Variants in SLC38A8 observed in about 807,000 individuals in gnomAD.
SLC38A8 encodes solute carrier family 38 member 8, also known as amino acid transporter SLC38A8.
SLC38A8 carries 65 observed loss-of-function variants against 46.0 expected under a neutral mutation model. The ratio of observed to expected loss-of-function variants is 1.41; its 90% CI spans 1.16 to 1.74. The LOEUF (loss-of-function observed/expected upper bound fraction) is 1.74. Ranked by LOEUF, SLC38A8 falls within the 40% of genes most tolerant of loss-of-function variation. SLC38A8 has a pLI of 0.00. For synonymous variants in SLC38A8, 447 were observed against 243.7 expected, an observed-to-expected ratio of 1.83 and a Z score of -7.77; for missense variants, 998 against 567.9, an observed-to-expected ratio of 1.76 and a Z score of -7.70.
intron 10 of SLC38A8, among the ~76,000 whole-genome samples, chr16:84,012,398 C>T (rs59130755): frequency 0.037 from 5,597 of 152,278 alleles, 372 homozygotes; most frequent in African/African-American, 0.13. Flanking sequence ...AGGAAAGATC[C>T]AAATTATCTG....
chr16:84,016,447 A>T, intron 9 of SLC38A8, 72 bp downstream of exon 9: 2 of 1,542,504 alleles, frequency 1.3e-6, no homozygotes, highest in Admixed American at 3.7e-5. Context: ...TTGACCTCCA[A>T]CACTGGGAGT....
intron 4 of SLC38A8, among the ~76,000 whole-genome samples, chr16:84,032,879 C>T (rs992613269): frequency 2.8e-5 from 4 of 144,022 alleles, no homozygotes; most frequent in African/African-American, 5.0e-5. Flanking sequence ...CGGGGACATG[C>T]GGGGATGGGG....
rs2084961371 is a variant in SLC38A8, at chr16:84,012,095, T to A, written c.1214+906A>T. ...TCCAGAACTGGGGAAAAAATTCATT[T>A]CTGTTGCTTTAAGCCTCCCCACCAT... On this transcript the variant is annotated intron_variant, in intron 10 of 10. Transcript: ENST00000299709. Among the ~76,000 whole-genome samples, 3 of 152,264 alleles carry A rather than the reference T, an allele frequency of 2.0e-5. No homozygotes were observed. In the South Asian group the frequency reaches 6.2e-4, roughly 32 times the overall value.
At chr16:84,037,318 C>A (rs898484314) in intron 2 of SLC38A8, among the ~76,000 whole-genome samples, 1 of 152,240 alleles carries the variant, frequency 6.6e-6, no homozygotes, top group Non-Finnish European at 1.5e-5. Context: ...CCACTGCTCA[C>A]CTGCTGTGTG....
In SLC38A8 at chr16:84,036,690, G is replaced by A. The variant is rs111631768; in HGVS notation, c.388+12C>T. ...CACCCTGGGCCACCCCGAGTCCCAT[G>A]AAGGTACTTACGCTTCTCCAGCTGG... is the stretch of plus-strand genomic sequence containing the variant. On this transcript the variant is annotated intron_variant, in intron 3 of 10. Coordinates refer to ENST00000299709, the MANE Select transcript of SLC38A8 (RefSeq NM_001080442.3). 4.2e-5 allele frequency: 68 copies of A among 1,613,854 alleles called. No homozygotes were observed. The highest frequency in any genetic ancestry group is 3.2e-4 in the African/African-American group (24 of 74,944).
Position 84,022,774 on chromosome 16 carries a change from C to G in SLC38A8, c.805+1G>C. ...GCAGGGGTGCCTGGGAAGGGCCTTA[C>G]CCGTCAGTGAATAGATGAGGCAGCA... On this transcript the variant is annotated splice_donor_variant, in intron 7 of 10. Transcript: ENST00000299709. LOFTEE classifies it high-confidence loss of function. 2 of 1,613,510 alleles carry G rather than the reference C, an allele frequency of 1.2e-6. No homozygotes were observed. The highest frequency in any genetic ancestry group is 1.7e-6 in the Non-Finnish European group (2 of 1,179,500).
chr16:84,012,367 G>A (rs1446207453), intron 10 of SLC38A8, among the ~76,000 whole-genome samples: 1 of 152,178 alleles, frequency 6.6e-6, no homozygotes, highest in Non-Finnish European at 1.5e-5. Flanking sequence ...GTCCGCTCGG[G>A]GATAAATATT....
chr16:84,032,027 G>A (rs759638695), intron 4 of SLC38A8, 59 bp from the exon 5 acceptor site: 1 of 1,433,830 alleles, frequency 7.0e-7, no homozygotes, highest in South Asian at 1.2e-5. Context: ...TTGATGCACG[G>A]GGACAGTAGT....
In SLC38A8 at chr16:84,016,589, A is replaced by G. The variant is rs752816305; in HGVS notation, c.1092T>C (p.Phe364=). 6.2e-7 allele frequency: 1 copy of G among 1,614,090 alleles called. No individual in the cohort carries two copies. ...WVTVTLAMAL[F]MPDLSEIVSI... ...TGACGATCTCGCTGAGGTCAGGCAT[A>G]AACAGCGCCATGGCGAGCGTCACGG... Residue 364 remains phenylalanine (F), a synonymous_variant, in exon 9 of 11, where the codon TTT becomes TTC. Coordinates refer to ENST00000299709, the MANE Select transcript of SLC38A8 (RefSeq NM_001080442.3).
At chr16:84,033,580 C>T in intron 3 of SLC38A8, 111 bp from the exon 4 acceptor site, 1 of 1,246,738 alleles carries the variant, frequency 8.0e-7, no homozygotes, top group Non-Finnish European at 1.1e-6. Context: ...CTCAGCCAGC[C>T]CCAGGAGCCC....
intron 7 of SLC38A8, among the ~76,000 whole-genome samples, chr16:84,020,520 A>T (rs1320663331): frequency 6.6e-6 from 1 of 152,174 alleles, no homozygotes; most frequent in Non-Finnish European, 1.5e-5. Flanking sequence ...CAGCCTGCAG[A>T]ATTAGCAACG....
rs749003492 is a variant in SLC38A8 at position 84,041,980 on chromosome 16, G to A, written c.178C>T (p.Leu60=). 1 of 1,594,302 alleles carries A rather than the reference G, an allele frequency of 6.3e-7. No homozygotes were observed. The highest frequency in any genetic ancestry group is 8.6e-7 in the Non-Finnish European group (1 of 1,169,000). ...SKAGGVVPAF[L]VELVSLVFLI... ...TCCCGGGGACTTACCAGCTCCACCA[G>A]GAAGGCAGGGACCACTCCGCCCGCT... Residue 60 remains leucine, a synonymous_variant, in exon 2 of 11, where the codon CTG becomes TTG. Coordinates refer to ENST00000299709, the MANE Select transcript of SLC38A8 (RefSeq NM_001080442.3).
In SLC38A8 at chr16:84,029,474, A is replaced by T; in HGVS notation, c.690+20T>A. The T allele has an allele frequency of 6.2e-7, 1 of 1,613,752 alleles. No homozygotes were observed. The highest frequency in any genetic ancestry group is 8.5e-7 in the Non-Finnish European group (1 of 1,179,792). On this transcript the variant is annotated intron_variant, in intron 6 of 10. Coordinates refer to ENST00000299709, the MANE Select transcript of SLC38A8 (RefSeq NM_001080442.3). ...AGCCTCTGCAAACGCCACAGGCTGC[A>T]ACACAGATGCTAAAATTACCTGAAA...
intron 9 of SLC38A8, among the ~76,000 whole-genome samples, chr16:84,014,494 C>T (rs1201283861): frequency 6.6e-6 from 1 of 152,052 alleles, no homozygotes; most frequent in Non-Finnish European, 1.5e-5. Context: ...ACACCCTCAC[C>T]TGTGAAAGCG....
At chr16:84,011,848 C>T (rs1044672065) in intron 10 of SLC38A8, among the ~76,000 whole-genome samples, 1 of 152,158 alleles carries the variant, frequency 6.6e-6, no homozygotes, top group African/African-American at 2.4e-5. Flanking sequence ...TACGCCACTG[C>T]ACTCCAGCCG....
intron 5 of SLC38A8, among the ~76,000 whole-genome samples, chr16:84,030,373 G>A (rs1340706126): frequency 6.6e-6 from 1 of 151,978 alleles, no homozygotes; most frequent in South Asian, 2.1e-4. Flanking sequence ...CCCTCGACCT[G>A]CCTGTGCTAG....
intron 6 of SLC38A8, among the ~76,000 whole-genome samples, chr16:84,026,428 T>A (rs910767293): frequency 1.3e-5 from 2 of 152,288 alleles, no homozygotes; most frequent in African/African-American, 4.8e-5. Flanking sequence ...GGTTTCACCA[T>A]GTTGGCCAGG....
At chr16:84,037,634 G>A (rs2085315785) in intron 2 of SLC38A8, among the ~76,000 whole-genome samples, 1 of 151,904 alleles carries the variant, frequency 6.6e-6, no homozygotes, top group African/African-American at 2.4e-5. Flanking sequence ...GGTGGCAGAT[G>A]CCTGTAGTCC....
rs536880224 is a variant in SLC38A8 at position 84,011,515 on chromosome 16, C to T, written c.1214+1486G>A. 4.1e-4 allele frequency among the ~76,000 whole-genome samples: 63 copies of T among 152,314 alleles called. 2 individuals are homozygous for T. The highest frequency in any genetic ancestry group is 3.4e-3 in the Middle Eastern group (1 of 294). On this transcript the variant is annotated intron_variant, in intron 10 of 10. Coordinates refer to ENST00000299709, the MANE Select transcript of SLC38A8 (RefSeq NM_001080442.3). ...GGGCCGGGGGTATAGGGGAACAGACCTACAGCTGGCACCCAAATTCACGAT... is the reference window on the plus strand; with the variant it reads ...GGGCCGGGGGTATAGGGGAACAGACTTACAGCTGGCACCCAAATTCACGAT...
Sources: allele counts gnomAD v4.1 joint callset (sites outside exome capture counted in the v4.1 genomes callset), GRCh38; gene constraint gnomAD v4.1.1; transcripts MANE v1.5; gene names NCBI Gene and HGNC (gene_info 2026-07-23, HGNC 2026-07-21).